Variants in SEZ6L2 observed in about 807,000 individuals in gnomAD.
SEZ6L2 encodes seizure related 6 homolog like 2, also known as seizure 6-like protein 2.
SEZ6L2 carries 44 observed loss-of-function variants against 97.0 expected under a neutral mutation model. The observed-to-expected ratio is 0.45, with a 90% CI of 0.36 to 0.58. SEZ6L2 has a LOEUF of 0.58. Ranked by LOEUF, SEZ6L2 falls within the 20% of genes least tolerant of loss-of-function variation. The pLI is 0.00. For synonymous variants in SEZ6L2, 543 were observed against 546.1 expected (o/e 0.99, Z 0.08); for missense variants, 1,086 against 1,233.3 (o/e 0.88, Z 1.79).
chr16:29,884,383 GGAGTTCAA>G (rs1210348377), intron 8 of SEZ6L2, among the ~76,000 whole-genome samples: 1 of 152,116 alleles, frequency 6.6e-6, no homozygotes. Flanking sequence ...CTTGAGCCCA[GGAGTTCAA>G]GACCAGCCTG....
At chr16:29,884,407 C>A (rs2068089421) in intron 8 of SEZ6L2, among the ~76,000 whole-genome samples, 1 of 152,094 alleles carries the variant, frequency 6.6e-6, no homozygotes, top group Non-Finnish European at 1.5e-5. Context: ...GCCTGGGCAA[C>A]ATGGTGAAAC....
intron 14 of SEZ6L2, among the ~76,000 whole-genome samples, 187 bp from the exon 15 acceptor site, chr16:29,872,930 C>G (rs1942300578): frequency 6.6e-6 from 1 of 152,198 alleles, no homozygotes; most frequent in Admixed American, 6.5e-5. Context: ...CCTCTTTCTC[C>G]AGACCCCTAA....
At chr16:29,894,453 T>A (rs980384239) in intron 5 of SEZ6L2, among the ~76,000 whole-genome samples, 2 of 142,560 alleles carry the variant, frequency 1.4e-5, no homozygotes, top group African/African-American at 5.0e-5. Flanking sequence ...CCTGGCGAAT[T>A]TATCCTTCAG....
intron 5 of SEZ6L2, among the ~76,000 whole-genome samples, chr16:29,889,419 A>G (rs1428872737): frequency 1.3e-5 from 2 of 151,606 alleles, no homozygotes; most frequent in African/African-American, 2.4e-5. Flanking sequence ...AGCCTGGGCG[A>G]CAAGAGCAAA....
intron 11 of SEZ6L2, 67 bp from the exon 12 acceptor site, chr16:29,877,017 G>T: frequency 6.8e-7 from 1 of 1,481,050 alleles, no homozygotes; most frequent in Non-Finnish European, 9.2e-7. Context: ...AGCCTCGGAG[G>T]CTTTGCTCTG....
At chr16:29,875,661 C>CTTTTTTT (rs149293940) in intron 12 of SEZ6L2, among the ~76,000 whole-genome samples, 72 of 112,706 alleles carry the variant, frequency 6.4e-4, no homozygotes, top group East Asian at 2.0e-3. Flanking sequence ...TTCTTTCTTT[C>CTTTTTTT]TTTCTTTTTT....
chr16:29,877,038 CG>C, intron 11 of SEZ6L2, 88 bp from the exon 12 acceptor site: 1 of 1,347,646 alleles, frequency 7.4e-7, no homozygotes, highest in Non-Finnish European at 1.0e-6. Flanking sequence ...TGCCCCCTCC[CG>C]GGATCTGTCT....
Position 29,897,010 on chromosome 16 carries a change from G to T in SEZ6L2, c.323C>A (p.Thr108Asn). 6.3e-7 allele frequency: 1 copy of T among 1,584,394 alleles called. No homozygotes were observed. Among genetic ancestry groups the T allele is most frequent in the Non-Finnish European group, 8.5e-7 (1 of 1,169,646 alleles). Residue 108 changes from threonine to asparagine, a missense_variant, in exon 3 of 18, where the codon ACC becomes AAC. Thr to Asn is a moderately conservative substitution (Grantham distance 65, BLOSUM62 0). Around this residue, in one of 2 missense-constraint regions of SEZ6L2, gnomAD observed 776 missense variants for 794.7 expected, o/e 0.98. Coordinates refer to ENST00000617533, the MANE Select transcript of SEZ6L2 (RefSeq NM_001243332.2). ...PGTGPLTTAVTPNGVRGAGPT... is the reference protein window; with the variant it reads ...PGTGPLTTAVNPNGVRGAGPT... ...GCCTGCCCCCCTGACCCCGTTAGGG[G>T]TGACGGCTGTTGTCAGAGGCCCTGT...
rs375847965 is a variant in SEZ6L2 at position 29,898,911 on chromosome 16, G to A, written c.79+30C>T. 4 of 1,586,014 alleles carry A rather than the reference G, an allele frequency of 2.5e-6. No homozygotes were observed. In the African/African-American group the frequency reaches 4.0e-5, roughly 16 times the overall value. On this transcript the variant is annotated intron_variant, in intron 1 of 17. Coordinates refer to ENST00000617533, the MANE Select transcript of SEZ6L2 (RefSeq NM_001243332.2). ...GAGGACCCCGCTGGACGCCTTCCTG[G>A]GGCCCACCCCCACAGTCTCATGTCC...
Position 29,876,582 on chromosome 16 carries a change from C to G in SEZ6L2, c.2104+174G>C, listed in dbSNP as rs908919886. On this transcript the variant is annotated intron_variant, in intron 12 of 17. Coordinates refer to ENST00000617533, the MANE Select transcript of SEZ6L2 (RefSeq NM_001243332.2). This position sits in a 1 kb window ranked among gnomAD's most constrained non-coding sequence, Gnocchi z 6.5. ...CCCAGAGGGGACAGTTTCGGGGAACCGGGCGGAGGAGTGAGAACTAAAGGG... is the reference window on the plus strand; with the variant it reads ...CCCAGAGGGGACAGTTTCGGGGAACGGGGCGGAGGAGTGAGAACTAAAGGG... Among the ~76,000 whole-genome samples the G allele has an allele frequency of 1.3e-5, 2 of 151,914 alleles. No individual in the cohort carries two copies. The highest frequency in any genetic ancestry group is 2.9e-5 in the Non-Finnish European group (2 of 68,000).
rs116458568 is a variant in SEZ6L2 at position 29,879,826 on chromosome 16, G to A, written c.1573+38C>T. ...TGGGATCCCCAGTTCAGGGGGCAAC[G>A]TGGACTGAAGGACATGCCTGCGACA... On this transcript the variant is annotated intron_variant, in intron 9 of 17. Transcript: ENST00000617533. 3.4e-3 allele frequency: 5,295 copies of A among 1,540,710 alleles called. 162 individuals are homozygous for A. The African/African-American group carries it at 0.063, about 18-fold the overall frequency.
At chr16:29,887,855 G>A in intron 6 of SEZ6L2, 38 bp from the exon 7 acceptor site, 2 of 1,608,060 alleles carry the variant, frequency 1.2e-6, no homozygotes, top group Non-Finnish European at 1.7e-6. Context: ...GCCAGCCTGA[G>A]GTGAACTGTC....
intron 17 of SEZ6L2, 43 bp downstream of exon 17, chr16:29,872,144 G>T: frequency 6.9e-7 from 1 of 1,454,958 alleles, no homozygotes; most frequent in South Asian, 1.3e-5. Context: ...GGAGTCCTGG[G>T]AGAGCCAAGT....
chr16:29,888,828 G>GTGTGTGCCCCTGGAA, intron 5 of SEZ6L2, 103 bp from the exon 6 acceptor site: 3 of 1,039,786 alleles, frequency 2.9e-6, no homozygotes, highest in Non-Finnish European at 4.1e-6. Flanking sequence ...CAACCTTCCA[G>GTGTGTGCCCCTGGAA]GGGCACACAC....
intron 7 of SEZ6L2, among the ~76,000 whole-genome samples, chr16:29,887,401 C>T (rs576605265): frequency 1.1e-4 from 16 of 150,212 alleles, no homozygotes; most frequent in Admixed American, 9.3e-4. Context: ...CCCGGGTTCA[C>T]GCCATTCTCC....
chr16:29,875,427 G>C (rs2067882069), intron 12 of SEZ6L2, among the ~76,000 whole-genome samples: 1 of 152,124 alleles, frequency 6.6e-6, no homozygotes, highest in African/African-American at 2.4e-5. Flanking sequence ...AGCGGGGCCA[G>C]CCGAACTCTC....
rs1304321236 is a variant in SEZ6L2 at position 29,885,664 on chromosome 16, T to C, written c.1294A>G (p.Ser432Gly). 3 of 1,613,920 alleles carry C rather than the reference T, an allele frequency of 1.9e-6. No individual in the cohort carries two copies. The highest frequency in any genetic ancestry group is 2.7e-5 in the African/African-American group (2 of 74,874). Residue 432 changes from serine to glycine, a missense_variant, in exon 8 of 18, where the codon AGT becomes GGT. Coordinates refer to ENST00000617533, the MANE Select transcript of SEZ6L2 (RefSeq NM_001243332.2). ...MDDVPERGLI[S>G]DAQSLYVELL... is the part of the protein sequence containing the mutation. ...TCCACGTAGAGGGACTGGGCGTCACTGATGAGACCCCGCTCGGGGACATCG... is the reference window on the plus strand; with the variant it reads ...TCCACGTAGAGGGACTGGGCGTCACCGATGAGACCCCGCTCGGGGACATCG...
Position 29,872,484 on chromosome 16 carries a change from T to G in SEZ6L2, c.2570A>C (p.Asn857Thr). 2 of 1,614,182 alleles carry G rather than the reference T, an allele frequency of 1.2e-6. No individual in the cohort carries two copies. The highest frequency in any genetic ancestry group is 1.7e-6 in the Non-Finnish European group (2 of 1,180,034). Residue 857 changes from asparagine (N) to threonine (T), a missense_variant, in exon 16 of 18, where the codon AAC becomes ACC. Coordinates refer to ENST00000617533, the MANE Select transcript of SEZ6L2 (RefSeq NM_001243332.2). ...AGGCAGCAGGATGGCCAGGGCCAGG[T>G]TCCCCCCTTCCAGCTGCCGTGATGG... The part of the protein sequence containing the change: ...TDPSRQLEGG[N>T]LALAILLPLG...
Position 29,885,721 on chromosome 16 carries a change from G to A in SEZ6L2, c.1237C>T (p.Leu413=). The change falls in exon 8 of 18, where the codon CTA becomes TTA. Residue 413 remains leucine, a synonymous_variant. Coordinates refer to ENST00000617533, the MANE Select transcript of SEZ6L2 (RefSeq NM_001243332.2). ...RLMVRSGGSP[L]SPVIYDSDMD... is the part of the protein sequence containing the mutation. ...TCCGAATCATAGATCACGGGGGATA[G>A]GGGGCTGCCCCCTGAGCGCACCATC... is the stretch of plus-strand genomic sequence containing the variant. The A allele has an allele frequency of 6.2e-7, 1 of 1,613,258 alleles. No individual in the cohort carries two copies. Among genetic ancestry groups the A allele is most frequent in the South Asian group, 1.1e-5 (1 of 91,004 alleles).
Sources: gnomAD v4.1 joint callset for allele counts (sites outside exome capture counted in the v4.1 genomes callset) on GRCh38, gnomAD v4.1.1 for gene constraint, gnomAD v4.1.1 regional missense constraint, Gnocchi (gnomAD v3.1) non-coding constraint, MANE v1.5 for transcripts, NCBI Gene and HGNC (gene_info 2026-07-23, HGNC 2026-07-21) for gene names.